AUTS2: variants seen among roughly 807,000 people sequenced by gnomAD.
The protein encoded by AUTS2 is activator of transcription and developmental regulator AUTS2, also known as autism susceptibility gene 2 protein.
In AUTS2, 17 loss-of-function variants were observed where a neutral mutation model predicts 112.4. The ratio of observed to expected loss-of-function variants is 0.15; its 90% confidence interval spans 0.10 to 0.23. The LOEUF is 0.23. Ranked by LOEUF, AUTS2 falls within the 10% of genes least tolerant of loss-of-function variation. The pLI, the probability that AUTS2 is intolerant of heterozygous loss-of-function variation, is 1.00. For synonymous variants in AUTS2, 751 were observed against 702.7 expected (o/e 1.07, Z -1.09); for missense variants, 1,510 against 1,701.6 (o/e 0.89, Z 1.98).
intron 4 of AUTS2, among the ~76,000 whole-genome samples, chr7:70,430,816 T>C (rs1795626683): frequency 6.6e-6 from 1 of 151,344 alleles, no homozygotes; most frequent in Non-Finnish European, 1.5e-5. Context: ...ACATAGCAGA[T>C]TGCAGTGTCG....
chr7:70,185,862 A>G (rs1424889353), intron 4 of AUTS2, among the ~76,000 whole-genome samples: 1 of 152,162 alleles, frequency 6.6e-6, no homozygotes, highest in African/African-American at 2.4e-5. Context: ...CTGCCTGCCA[A>G]CTCAGGAAAG....
intron 4 of AUTS2, chr7:70,291,480 A>C (rs1314860402): frequency 2.6e-5 from 4 of 152,178 alleles, no homozygotes; most frequent in Non-Finnish European, 5.9e-5. Context: ...AGAAAAGATA[A>C]CTAGCTCCTT....
intron 4 of AUTS2, among the ~76,000 whole-genome samples, chr7:70,212,497 G>T (rs1427131839): frequency 6.6e-6 from 1 of 152,140 alleles, no homozygotes; most frequent in Middle Eastern, 3.4e-3. Context: ...GGAGCACTTG[G>T]ATTTATTTCT....
intron 1 of AUTS2, among the ~76,000 whole-genome samples, chr7:69,799,587 A>G (rs59534094): frequency 0.01 from 1,564 of 152,330 alleles, 39 homozygotes; most frequent in African/African-American, 0.035. Context: ...TTAAATCTAC[A>G]GTGATACAGT....
At chr7:69,698,497 G>GTTA (rs1797657077) in intron 1 of AUTS2, among the ~76,000 whole-genome samples, 1 of 152,128 alleles carries the variant, frequency 6.6e-6, no homozygotes, top group African/African-American at 2.4e-5. Flanking sequence ...ACCATTTAAT[G>GTTA]TTATTATCTG....
At chr7:70,379,497 G>A (rs534138061) in intron 4 of AUTS2, among the ~76,000 whole-genome samples, 7 of 147,410 alleles carry the variant, frequency 4.7e-5, no homozygotes, top group African/African-American at 1.5e-4. Context: ...GCGAGCATCC[G>A]TCTCAAAAAA....
At chr7:69,831,444 T>A (rs1311068999) in intron 1 of AUTS2, among the ~76,000 whole-genome samples, 1 of 151,968 alleles carries the variant, frequency 6.6e-6, no homozygotes, top group Non-Finnish European at 1.5e-5. Flanking sequence ...AGCTTCTCAG[T>A]GGACTTACTG....
intron 2 of AUTS2, among the ~76,000 whole-genome samples, chr7:70,040,781 G>T (rs1274888056): frequency 6.6e-6 from 1 of 152,192 alleles, no homozygotes; most frequent in African/African-American, 2.4e-5. Context: ...GAGGTTAAAG[G>T]TCCTGAAGCC....
At chr7:69,682,886 G>A (rs1357166830) in intron 1 of AUTS2, among the ~76,000 whole-genome samples, 1 of 152,214 alleles carries the variant, frequency 6.6e-6, no homozygotes, top group Non-Finnish European at 1.5e-5. Context: ...AAGAGTTTGA[G>A]GCTGTAGTGA....
intron 14 of AUTS2, among the ~76,000 whole-genome samples, chr7:70,779,471 A>T (rs1166657548): frequency 6.6e-6 from 1 of 152,064 alleles, no homozygotes; most frequent in Non-Finnish European, 1.5e-5. Flanking sequence ...TGCCCTCTTA[A>T]TGGGTGGTGT....
At chr7:70,784,002 CAT>C (rs1791266543) in intron 15 of AUTS2, 2 of 152,014 alleles carry the variant, frequency 1.3e-5, no homozygotes, top group Admixed American at 1.3e-4. Flanking sequence ...AAGAAGTACA[CAT>C]TAGGCAAAAT....
Position 70,606,351 on chromosome 7 carries a change from A to ATAT in AUTS2, c.691-92216_691-92214dup, listed in dbSNP as rs550537970. Among the ~76,000 whole-genome samples the ATAT allele has an allele frequency of 6.7e-3, 1,015 of 152,148 alleles. 16 individuals carry two copies. The highest frequency in any genetic ancestry group is 0.023 in the African/African-American group (953 of 41,508). ...TTCTTAAAAGTTAATATTTGTATTT[A>ATAT]TATTTATATTTGCAGCCCATCAATA... On this transcript the variant is annotated intron_variant, in intron 5 of 18. Transcript: ENST00000342771.
chr7:70,553,760 C>CTTTTTTTTTTTTTTT (rs71531706), intron 5 of AUTS2, among the ~76,000 whole-genome samples: 2 of 56,116 alleles, frequency 3.6e-5, no homozygotes, highest in Non-Finnish European at 6.3e-5. Context: ...GCCTTTCTTT[C>CTTTTTTTTTTTTTTT]TTTTTTTTTT....
At chr7:70,135,532 G>A (rs568135376) in intron 4 of AUTS2, among the ~76,000 whole-genome samples, 2 of 151,986 alleles carry the variant, frequency 1.3e-5, no homozygotes, top group African/African-American at 4.8e-5. Context: ...TAATTACTCT[G>A]GTTTTCTTCT....
chr7:70,704,076 A>G (rs1376017759), intron 6 of AUTS2, among the ~76,000 whole-genome samples: 3 of 152,206 alleles, frequency 2.0e-5, no homozygotes, highest in African/African-American at 7.2e-5. Context: ...TTGGAAACAG[A>G]TGCCTTGTAC....
At chr7:70,088,058 G>C (rs569513586) in intron 2 of AUTS2, among the ~76,000 whole-genome samples, 18 of 149,114 alleles carry the variant, frequency 1.2e-4, no homozygotes, top group African/African-American at 4.4e-4. Context: ...TTCCAGGTCA[G>C]TGTGGCTAGA....
chr7:70,684,274 C>G (rs367697346), intron 5 of AUTS2, among the ~76,000 whole-genome samples: 3 of 152,100 alleles, frequency 2.0e-5, no homozygotes, highest in Non-Finnish European at 2.9e-5. Context: ...GAAGGATGGA[C>G]TAACATGCGG....
intron 4 of AUTS2, among the ~76,000 whole-genome samples, chr7:70,355,434 T>C (rs1240772227): frequency 6.6e-6 from 1 of 152,054 alleles, no homozygotes. Context: ...GGACTTTTTG[T>C]TCTCCTTACG....
chr7:70,112,653 A>G (rs1213639255), intron 2 of AUTS2, among the ~76,000 whole-genome samples: 1 of 151,986 alleles, frequency 6.6e-6, no homozygotes, highest in Non-Finnish European at 1.5e-5. Context: ...ACCTTTCATC[A>G]CTATAAAATG....
Sources: gnomAD v4.1 joint callset for allele counts (sites outside exome capture counted in the v4.1 genomes callset) on GRCh38, gnomAD v4.1.1 for gene constraint, MANE v1.5 for transcripts, NCBI Gene and HGNC (gene_info 2026-07-23, HGNC 2026-07-21) for gene names.